CSMD3: variants seen among roughly 807,000 people sequenced by gnomAD.
The protein encoded by CSMD3 is CUB and Sushi multiple domains 3, also known as CUB and sushi domain-containing protein 3.
CSMD3 carries 177 observed loss-of-function variants against 435.2 expected under a neutral mutation model. That is an observed-to-expected ratio of 0.41 (90% CI 0.36 to 0.46). CSMD3 has a LOEUF of 0.46. Ranked by LOEUF, CSMD3 falls within the 20% of genes least tolerant of loss-of-function variation. The pLI, the probability that CSMD3 is intolerant of heterozygous loss-of-function variation, is 0.34. For synonymous variants in CSMD3, 1,656 were observed against 1,520.5 expected (o/e 1.09, Z -2.07); for missense variants, 4,265 against 4,504.6 (o/e 0.95, Z 1.52).
At chr8:112,748,366 G>C (rs2077488492) in intron 13 of CSMD3, among the ~76,000 whole-genome samples, 1 of 151,984 alleles carries the variant, frequency 6.6e-6, no homozygotes, top group South Asian at 2.1e-4. Context: ...TTTAGTTTTG[G>C]GGGTACATGT....
At chr8:112,830,479 T>C (rs1355860525) in intron 11 of CSMD3, among the ~76,000 whole-genome samples, 1 of 152,086 alleles carries the variant, frequency 6.6e-6, no homozygotes, top group Non-Finnish European at 1.5e-5. Flanking sequence ...AAAATTCAAA[T>C]TTAATTAAAT....
At position 112,669,398 on chromosome 8, in the gene CSMD3, A is replaced by G. The variant is rs192567268; in HGVS notation, c.2678-2983T>C. Among the ~76,000 whole-genome samples the G allele has an allele frequency of 9.2e-5, 14 of 152,294 alleles. No individual in the cohort carries two copies. The East Asian group carries it at 2.7e-3, about 29-fold the overall frequency. ...CTAACTGCAATATGAGTAAAATACA[A>G]CTAAAAAAAACAAAAAGTTATCCAA... On this transcript the variant is annotated intron_variant, in intron 16 of 70. Coordinates refer to ENST00000297405, the MANE Select transcript of CSMD3 (RefSeq NM_198123.2).
chr8:112,906,880 G>C (rs998836147), intron 10 of CSMD3, among the ~76,000 whole-genome samples: 1 of 151,482 alleles, frequency 6.6e-6, no homozygotes, highest in African/African-American at 2.4e-5. Context: ...CTTTTTCAAA[G>C]CTAGTTAATG....
chr8:113,085,763 A>G (rs1269844227), intron 5 of CSMD3, among the ~76,000 whole-genome samples: 1 of 152,170 alleles, frequency 6.6e-6, no homozygotes, highest in African/African-American at 2.4e-5. Context: ...TATGGTTATC[A>G]GAGGCTGAGA....
At chr8:112,376,215 T>A (rs556179592) in intron 38 of CSMD3, among the ~76,000 whole-genome samples, 2 of 152,296 alleles carry the variant, frequency 1.3e-5, no homozygotes, top group East Asian at 3.9e-4. Context: ...TTTATCTTTC[T>A]GAATCTTCTA....
rs1439360231 is a variant in CSMD3, at chr8:113,078,944, C to T, written c.917+19812G>A. Reference sequence around the variant, plus strand: ...GGTTAGAGTCCTAGTTAATATGTACCTGATAATTTATGAAACATTCAAGAT... The same window carrying T: ...GGTTAGAGTCCTAGTTAATATGTACTTGATAATTTATGAAACATTCAAGAT... On this transcript the variant is annotated intron_variant, in intron 5 of 70. Coordinates refer to ENST00000297405, the MANE Select transcript of CSMD3 (RefSeq NM_198123.2). Among the ~76,000 whole-genome samples the T allele has an allele frequency of 2.0e-5, 3 of 151,998 alleles. No homozygotes were observed. The East Asian group carries it at 5.8e-4, about 29-fold the overall frequency.
chr8:112,434,977 C>G (rs186617211), intron 32 of CSMD3, among the ~76,000 whole-genome samples: 12 of 152,160 alleles, frequency 7.9e-5, no homozygotes, highest in Non-Finnish European at 1.6e-4. Flanking sequence ...TACATCTTGA[C>G]TGACTGCATA....
chr8:112,952,268 T>C (rs1170616041), intron 8 of CSMD3, among the ~76,000 whole-genome samples: 1 of 151,642 alleles, frequency 6.6e-6, no homozygotes, highest in Non-Finnish European at 1.5e-5. Flanking sequence ...AAAGGTGCCA[T>C]TATGAGACCT....
intron 4 of CSMD3, among the ~76,000 whole-genome samples, chr8:113,122,259 C>T (rs1254325272): frequency 6.6e-6 from 1 of 152,028 alleles, no homozygotes; most frequent in South Asian, 2.1e-4. Context: ...GTCTATATTA[C>T]ATTTGGGAAA....
At position 112,800,049 on chromosome 8, in the gene CSMD3, T is replaced by C. The variant is rs148796893; in HGVS notation, c.1972+113A>G. The C allele has an allele frequency of 2.4e-3, 1,718 of 713,714 alleles. 21 individuals carry two copies. In the African/African-American group the frequency reaches 0.025, roughly 11 times the overall value. The allele number at this position is 713,714 out of a possible 1,614,324, so 44.2% of individuals were successfully genotyped here. A position where few individuals can be genotyped will look rare whatever the true frequency, so the allele number is the denominator to read the frequency against. The stretch of plus-strand genomic sequence containing the variant: ...AAGGAGGAAATGATCTTTGTTGAAA[T>C]GTAGCATGTGTTCTGCAAAACTTTT... On this transcript the variant is annotated intron_variant, in intron 13 of 70. Coordinates refer to ENST00000297405, the MANE Select transcript of CSMD3 (RefSeq NM_198123.2).
chr8:112,479,344 GA>G (rs977693148), intron 31 of CSMD3, among the ~76,000 whole-genome samples: 3 of 152,192 alleles, frequency 2.0e-5, no homozygotes, highest in African/African-American at 7.2e-5. Context: ...TGGCAGGAAA[GA>G]AAAAATGCAT....
At chr8:113,406,695 C>G (rs898214861) in intron 1 of CSMD3, among the ~76,000 whole-genome samples, 1 of 151,872 alleles carries the variant, frequency 6.6e-6, no homozygotes, top group South Asian at 2.1e-4. Context: ...CTATTGTAAT[C>G]TATGGGGAGA....
intron 3 of CSMD3, among the ~76,000 whole-genome samples, chr8:113,262,356 T>C (rs182650175): frequency 4.6e-5 from 7 of 152,214 alleles, no homozygotes; most frequent in Admixed American, 2.6e-4. Context: ...CTATTCTTTG[T>C]CTTTGTACAT....
At chr8:113,160,429 A>G (rs993302055) in intron 4 of CSMD3, among the ~76,000 whole-genome samples, 13 of 151,968 alleles carry the variant, frequency 8.6e-5, no homozygotes, top group African/African-American at 1.2e-4. Context: ...GTGTTCAGTC[A>G]TAAGGCAATA....
At chr8:112,776,272 T>C (rs1466152453) in intron 13 of CSMD3, among the ~76,000 whole-genome samples, 1 of 151,844 alleles carries the variant, frequency 6.6e-6, no homozygotes, top group Non-Finnish European at 1.5e-5. Context: ...AATGTTGCTT[T>C]TTAAAATTAT....
At chr8:112,978,327 T>A (rs1169551973) in intron 6 of CSMD3, among the ~76,000 whole-genome samples, 10 of 151,930 alleles carry the variant, frequency 6.6e-5, no homozygotes, top group Admixed American at 6.6e-4. Context: ...CAATCTCAAA[T>A]AATCCCTCGA....
At chr8:112,240,917 C>T (rs1814064117) in intron 66 of CSMD3, among the ~76,000 whole-genome samples, 3 of 152,026 alleles carry the variant, frequency 2.0e-5, no homozygotes, top group Non-Finnish European at 4.4e-5. Flanking sequence ...TAAGACAGGA[C>T]TTGCTCCTAC....
At position 112,937,877 on chromosome 8, in the gene CSMD3, T is replaced by A. The variant is rs74755856; in HGVS notation, c.1508+9913A>T. The stretch of plus-strand genomic sequence containing the variant: ...CATCTAAACATTTTTTGGAGATTGA[T>A]GATTAAAAAAAGATAGCATCAGCAT... On this transcript the variant is annotated intron_variant, in intron 9 of 70. Coordinates refer to ENST00000297405, the MANE Select transcript of CSMD3 (RefSeq NM_198123.2). Among the ~76,000 whole-genome samples the A allele has an allele frequency of 4.8e-3, 728 of 152,170 alleles. 13 individuals carry two copies. Among genetic ancestry groups the A allele is most frequent in the East Asian group, 0.022 (115 of 5,156 alleles).
intron 30 of CSMD3, among the ~76,000 whole-genome samples, chr8:112,498,581 A>G (rs1177493635): frequency 6.6e-6 from 1 of 152,142 alleles, no homozygotes; most frequent in African/African-American, 2.4e-5. Flanking sequence ...AGTTAGTACC[A>G]TCTACCATTG....
Sources: gnomAD v4.1 joint callset for allele counts (sites outside exome capture counted in the v4.1 genomes callset) on GRCh38, gnomAD v4.1.1 for gene constraint, MANE v1.5 for transcripts, NCBI Gene and HGNC (gene_info 2026-07-23, HGNC 2026-07-21) for gene names.